The following GGA2 variants were observed in gnomAD, a reference collection of about 807,000 sequenced individuals.
GGA2 encodes ADP-ribosylation factor-binding protein GGA2.
Under a neutral mutation model 79.5 loss-of-function variants are expected in GGA2, and 48 were observed. The observed-to-expected ratio is 0.60, with a 90% confidence interval of 0.48 to 0.77. The LOEUF is 0.77. GGA2 is among the 30% of genes least tolerant of loss of function. The probability of loss-of-function intolerance (pLI) is 0.00; values close to 1 mark genes in which losing one functional copy is unlikely to be tolerated. For missense variants in GGA2, 770 were observed against 774.0 expected (o/e 0.99, Z 0.06); for synonymous variants, 317 against 302.0 (o/e 1.05, Z -0.51).
chr16:23,499,729 T>C (rs1221581647), intron 1 of GGA2, among the ~76,000 whole-genome samples: 4 of 152,228 alleles, frequency 2.6e-5, no homozygotes, highest in Admixed American at 6.5e-5. Context: ...CCCAAAGTGT[T>C]AGGATTACAG....
chr16:23,482,997 T>A lies in GGA2; in HGVS notation c.806A>T (p.Tyr269Phe), dbSNP rs1396429436. 1.9e-6 allele frequency: 3 copies of A among 1,608,734 alleles called. No individual in the cohort carries two copies. In the African/African-American group the frequency reaches 4.0e-5, roughly 22 times the overall value. The change falls in exon 9 of 17, where the codon TAT becomes TTT. Residue 269 changes from tyrosine (Y) to phenylalanine (F), a missense_variant. Tyr to Phe is a conservative substitution (Grantham distance 22). Transcript: ENST00000309859. ...GGGCCGCAGCTTTTCACACCTCTCA[T>A]ACACGACCTGAAAGAGCAGAGCTTG... ...PPDQEALQVV[Y>F]ERCEKLRPTL...
At chr16:23,505,010 C>G (rs935667260) in intron 1 of GGA2, among the ~76,000 whole-genome samples, 2 of 152,138 alleles carry the variant, frequency 1.3e-5, no homozygotes, top group Non-Finnish European at 2.9e-5. Context: ...GACCCTGGCA[C>G]CAGCAGCCGC....
intron 13 of GGA2, among the ~76,000 whole-genome samples, chr16:23,476,807 A>T (rs1183024038): frequency 6.6e-6 from 1 of 152,206 alleles, no homozygotes; most frequent in African/African-American, 2.4e-5. Flanking sequence ...TTATATGGTT[A>T]TTAGAAGGGA....
At chr16:23,519,004 T>G (rs906898387) in intron 2 of GGA2, among the ~76,000 whole-genome samples, 8 of 151,818 alleles carry the variant, frequency 5.3e-5, no homozygotes, top group Non-Finnish European at 2.9e-5. Context: ...ATTCCAAATT[T>G]GGCTATAAAA....
intron 9 of GGA2, among the ~76,000 whole-genome samples, chr16:23,481,431 G>A (rs548037220): frequency 2.6e-4 from 40 of 152,236 alleles, no homozygotes; most frequent in Non-Finnish European, 4.0e-4. Flanking sequence ...GATGCCACGA[G>A]CAAAACTGAG....
intron 13 of GGA2, 62 bp downstream of exon 13, chr16:23,478,306 C>T: frequency 1.4e-6 from 2 of 1,392,584 alleles, no homozygotes; most frequent in Non-Finnish European, 1.9e-6. Context: ...GGCCCTTGTC[C>T]CATGAGAAGG....
At chr16:23,522,999 A>G (rs1004940527), upstream of GGA2, 4 of 152,218 alleles carry the variant, frequency 2.6e-5, no homozygotes, top group African/African-American at 9.6e-5. Context: ...GGCTTCCCCC[A>G]AAGTAAGCGA....
intron 5 of GGA2, 39 bp from the exon 6 acceptor site, chr16:23,488,748 T>TA: frequency 8.9e-7 from 1 of 1,126,180 alleles, no homozygotes; most frequent in Non-Finnish European, 1.3e-6. Context: ...ACCGATATGG[T>TA]ACCCAGAAAC....
At position 23,464,141 on chromosome 16, in the gene GGA2, A is replaced by G. The variant is rs1051771829; in HGVS notation, c.*3449T>C. The G allele has an allele frequency of 2.6e-5, 4 of 152,200 alleles. No homozygotes were observed. Among genetic ancestry groups the G allele is most frequent in the Non-Finnish European group, 5.9e-5 (4 of 68,044 alleles). The allele number at this position is 152,200 out of a possible 1,614,324, so 9.4% of individuals were successfully genotyped here. A position where few individuals can be genotyped will look rare whatever the true frequency, so the allele number is the denominator to read the frequency against. Reference sequence around the variant, plus strand: ...TTCTGTCTCAATTTACACTATTTGTACTAGGTAATATTCACTTTTCTTTTG... The same window carrying G: ...TTCTGTCTCAATTTACACTATTTGTGCTAGGTAATATTCACTTTTCTTTTG... On this transcript the variant is annotated 3_prime_UTR_variant, in exon 17 of 17. Transcript: ENST00000309859.
chr16:23,495,846 T>C, intron 1 of GGA2, 68 bp from the exon 2 acceptor site: 4 of 965,904 alleles, frequency 4.1e-6, no homozygotes, highest in Admixed American at 2.1e-5. Flanking sequence ...CCCATACACA[T>C]GGTGGCCAAG....
At chr16:23,478,787 A>G (rs1285643687) in intron 12 of GGA2, 96 bp downstream of exon 12, 3 of 882,972 alleles carry the variant, frequency 3.4e-6, no homozygotes, top group East Asian at 4.8e-5. Flanking sequence ...GGGACAGTGC[A>G]GGAGCACCTC....
intron 1 of GGA2, 146 bp downstream of exon 1, chr16:23,510,175 C>A: frequency 2.5e-6 from 1 of 406,750 alleles, no homozygotes; most frequent in Non-Finnish European, 4.2e-6. Flanking sequence ...CCTGGGCGAT[C>A]TTCCCCACCG....
chr16:23,485,141 C>T (rs982014677), intron 8 of GGA2, among the ~76,000 whole-genome samples: 3 of 152,134 alleles, frequency 2.0e-5, no homozygotes, highest in Non-Finnish European at 2.9e-5. Context: ...CGAAAGCCCA[C>T]GTATTGTGCA....
chr16:23,520,804 G>T (rs1315758206), intron 1 of GGA2, among the ~76,000 whole-genome samples: 1 of 151,918 alleles, frequency 6.6e-6, no homozygotes, highest in Non-Finnish European at 1.5e-5. Context: ...TTAATTTCTT[G>T]TTGAGACAGA....
intron 3 of GGA2, 199 bp from the exon 4 acceptor site, chr16:23,493,657 T>G (rs1273432173): frequency 5.3e-6 from 3 of 568,896 alleles, no homozygotes; most frequent in Non-Finnish European, 9.5e-6. Context: ...TTGCTATAAC[T>G]GCCTGAGGTT....
intron 8 of GGA2, among the ~76,000 whole-genome samples, chr16:23,483,733 G>A (rs558063893): frequency 1.3e-5 from 2 of 151,924 alleles, no homozygotes; most frequent in South Asian, 2.1e-4. Flanking sequence ...CGCAACCTCC[G>A]CCTCCTGGGT....
intron 13 of GGA2, 88 bp downstream of exon 13, chr16:23,478,280 T>G (rs1355359110): frequency 1.0e-6 from 1 of 976,634 alleles, no homozygotes; most frequent in Non-Finnish European, 1.5e-6. Flanking sequence ...GAGGCTGTCT[T>G]AGAGCACCAT....
intron 12 of GGA2, 162 bp from the exon 13 acceptor site, chr16:23,478,663 C>T (rs775023680): frequency 3.9e-6 from 3 of 774,948 alleles, no homozygotes; most frequent in South Asian, 1.4e-5. Context: ...TCACATGCAG[C>T]TCCTGGGCAG....
At chr16:23,490,762 T>C (rs1964772879) in intron 5 of GGA2, among the ~76,000 whole-genome samples, 1 of 150,618 alleles carries the variant, frequency 6.6e-6, no homozygotes, top group Non-Finnish European at 1.5e-5. Flanking sequence ...AAGAAGTAAA[T>C]AAAAATAAAT....
Sources: gnomAD v4.1 joint callset for allele counts (sites outside exome capture counted in the v4.1 genomes callset) on GRCh38, gnomAD v4.1.1 for gene constraint, MANE v1.5 for transcripts, NCBI Gene and HGNC (gene_info 2026-07-23, HGNC 2026-07-21) for gene names.